Variants in GFM2 observed in about 807,000 individuals in gnomAD.
GFM2 encodes the protein ribosome-releasing factor 2, mitochondrial.
GFM2 carries 72 observed loss-of-function variants against 95.4 expected under a neutral mutation model. The observed-to-expected ratio is 0.76, with a 90% CI of 0.62 to 0.92. The LOEUF (loss-of-function observed/expected upper bound fraction) is 0.92. GFM2 is among the 40% of genes least tolerant of loss of function. GFM2 has a pLI of 0.00. For missense variants in GFM2, 825 were observed against 924.1 expected, an observed-to-expected ratio of 0.89 and a Z score of 1.39; for synonymous variants, 276 against 317.5, an observed-to-expected ratio of 0.87 and a Z score of 1.39.
chr5:74,747,595 G>C, intron 8 of GFM2, 97 bp downstream of exon 8: 1 of 699,550 alleles, frequency 1.4e-6, no homozygotes, highest in Non-Finnish European at 2.5e-6. Flanking sequence ...TAATACAATA[G>C]GAAAAAAAAT....
Position 74,725,753 on chromosome 5 carries a change from G to A in GFM2, c.1915C>T (p.Pro639Ser). The A allele has an allele frequency of 6.2e-7, 1 of 1,609,176 alleles. No individual in the cohort carries two copies. Among genetic ancestry groups the A allele is most frequent in the Non-Finnish European group, 8.5e-7 (1 of 1,175,726 alleles). The stretch of plus-strand genomic sequence containing the variant: ...TCCTGAATTGGGGATCCAAGCAATG[G>A]TCCTAGACAAGGGAAAAAAATTGTA... ...NGIHSACLQG[P>S]LLGSPIQDVA... is the part of the protein sequence containing the mutation. The change falls in exon 19 of 21, where the codon CCA (proline) becomes TCA (serine). Residue 639 changes from proline (P) to serine (S), a missense_variant and splice_region_variant. Physicochemically the swap from Pro to Ser is moderately conservative, Grantham distance 74. Transcript: ENST00000296805.
chr5:74,730,419 AT>A (rs1441499487), intron 16 of GFM2, 21 bp from the exon 17 acceptor site: 1 of 1,528,080 alleles, frequency 6.5e-7, no homozygotes, highest in South Asian at 1.2e-5. Flanking sequence ...GAGGAATGAA[AT>A]AAAAGATTAA....
intron 19 of GFM2, among the ~76,000 whole-genome samples, chr5:74,723,234 C>G (rs920777103): frequency 6.6e-6 from 1 of 152,160 alleles, no homozygotes; most frequent in Admixed American, 6.5e-5. Context: ...GCTTCAAAAA[C>G]GACTTCAACA....
In GFM2 at chr5:74,746,153, T is replaced by A; in HGVS notation, c.621A>T (p.Ala207=). The A allele has an allele frequency of 6.5e-7, 1 of 1,533,070 alleles. No homozygotes were observed. Among genetic ancestry groups the A allele is most frequent in the Non-Finnish European group, 8.7e-7 (1 of 1,145,000 alleles). 95.0% of individuals were successfully genotyped at this position (1,533,070 alleles called of 1,614,324 possible). ...TTAACTTCTCTCTGATGCTTTCAAC[T>A]GCATACTTAAAGCTGTAGAAAGCAA... ...MDKTGASFKY[A]VESIREKLKA... Residue 207 remains alanine (A), a synonymous_variant, in exon 9 of 21, where the codon GCA becomes GCT. Transcript: ENST00000296805.
chr5:74,762,059 G>C (rs894228821), intron 2 of GFM2, among the ~76,000 whole-genome samples: 1 of 152,032 alleles, frequency 6.6e-6, no homozygotes, highest in Non-Finnish European at 1.5e-5. Flanking sequence ...AGAAAAACTG[G>C]GTAACTCCTT....
intron 5 of GFM2, among the ~76,000 whole-genome samples, chr5:74,757,984 GA>G (rs889858996): frequency 6.6e-6 from 1 of 152,038 alleles, no homozygotes; most frequent in African/African-American, 2.4e-5. Flanking sequence ...TTTCAATTTT[GA>G]AAGATGAAAA....
intron 7 of GFM2, among the ~76,000 whole-genome samples, chr5:74,748,100 G>T (rs992586622): frequency 1.6e-4 from 24 of 152,168 alleles, no homozygotes; most frequent in Non-Finnish European, 8.8e-5. Context: ...AGAATCAGGA[G>T]ACCTACTTCT....
At chr5:74,754,138 T>C (rs975417135) in intron 5 of GFM2, among the ~76,000 whole-genome samples, 3 of 152,066 alleles carry the variant, frequency 2.0e-5, no homozygotes, top group South Asian at 4.1e-4. Flanking sequence ...AGGAAAGATA[T>C]AGTCTTTTTC....
Position 74,725,968 on chromosome 5 carries a change from T to C in GFM2, c.1885A>G (p.Asn629Asp), listed in dbSNP as rs116684547. 239 of 1,611,318 alleles carry C rather than the reference T, an allele frequency of 1.5e-4. No individual in the cohort carries two copies. The African/African-American group carries it at 2.8e-3, about 19-fold the overall frequency. ...LLKVSQEAIE[N>D]GIHSACLQGP... ...TGGAGACATGCGCTGTGAATTCCAT[T>C]TTCAATGGCCTCTTGGGAGACCTTC... The change falls in exon 18 of 21, where the codon AAT (asparagine) becomes GAT (aspartate). Residue 629 changes from asparagine (N) to aspartate (D), a missense_variant. Physicochemically the swap from Asn to Asp is conservative, Grantham distance 23. Transcript: ENST00000296805.
chr5:74,750,589 G>A lies in GFM2; in HGVS notation c.509C>T (p.Ala170Val). ...GGCAATATTATTTACCTCTACACCAGCAGAGGCATCAAATACAGCCACTGC... is the reference window on the plus strand; with the variant it reads ...GGCAATATTATTTACCTCTACACCAACAGAGGCATCAAATACAGCCACTGC... ...DGAVAVFDAS[A>V]GVEAQTLTVW... The change falls in exon 7 of 21, where the codon GCT (alanine) becomes GTT (valine). Residue 170 changes from alanine (A) to valine (V), a missense_variant. Ala to Val is a moderately conservative substitution (Grantham distance 64, BLOSUM62 0). Coordinates refer to ENST00000296805, the MANE Select transcript of GFM2 (RefSeq NM_032380.5). 1 of 1,610,922 alleles carries A rather than the reference G, an allele frequency of 6.2e-7. No individual in the cohort carries two copies. Among genetic ancestry groups the A allele is most frequent in the African/African-American group, 1.3e-5 (1 of 74,924 alleles).
chr5:74,733,531 A>C (rs1742680592), intron 15 of GFM2: 1 of 154,184 alleles, frequency 6.5e-6, no homozygotes, highest in Admixed American at 6.4e-5. Flanking sequence ...GAATGGCTAT[A>C]CAAGGAACAA....
intron 16 of GFM2, among the ~76,000 whole-genome samples, chr5:74,731,621 A>T (rs184287040): frequency 4.8e-5 from 7 of 144,944 alleles, no homozygotes; most frequent in Admixed American, 3.3e-4. Flanking sequence ...TCACAAATTT[A>T]AAAAAAAATC....
intron 7 of GFM2, among the ~76,000 whole-genome samples, chr5:74,749,015 T>C (rs566162737): frequency 1.3e-4 from 19 of 151,574 alleles, no homozygotes; most frequent in Non-Finnish European, 2.8e-4. Context: ...TTGCAGTCTT[T>C]TTAATTTTTT....
intron 15 of GFM2, 26 bp downstream of exon 15, chr5:74,736,770 A>G: frequency 1.2e-6 from 2 of 1,612,964 alleles, no homozygotes; most frequent in Non-Finnish European, 1.7e-6. Context: ...CGCACTAATT[A>G]GTTGACACAC....
intron 5 of GFM2, among the ~76,000 whole-genome samples, chr5:74,756,293 ACAC>A (rs1743977601): frequency 6.8e-6 from 1 of 147,924 alleles, no homozygotes; most frequent in South Asian, 2.2e-4. Context: ...ACATACATGC[ACAC>A]CACATTTTCT....
chr5:74,736,678 C>A, intron 15 of GFM2, 118 bp downstream of exon 15: 5 of 1,494,174 alleles, frequency 3.3e-6, no homozygotes, highest in East Asian at 2.4e-5. Context: ...AAATGTTTAC[C>A]AATATATTCA....
In GFM2 at chr5:74,736,401, T is replaced by C. The variant is rs994472321; in HGVS notation, c.1510+395A>G. On this transcript the variant is annotated intron_variant, in intron 15 of 20. Transcript: ENST00000296805. ...TATCCACAGTATATAAATATCTTCATTGAGTTCTAGAGGTTGAGGTAGAAA... is the reference window on the plus strand; with the variant it reads ...TATCCACAGTATATAAATATCTTCACTGAGTTCTAGAGGTTGAGGTAGAAA... 2.2e-5 allele frequency: 22 copies of C among 983,896 alleles called. No individual in the cohort carries two copies. The East Asian group carries it at 4.5e-4, about 20-fold the overall frequency. The allele number at this position is 983,896 out of a possible 1,614,324, so 60.9% of individuals were successfully genotyped here.
At chr5:74,735,767 A>G (rs1397942481) in intron 15 of GFM2, among the ~76,000 whole-genome samples, 1 of 152,178 alleles carries the variant, frequency 6.6e-6, no homozygotes, top group Non-Finnish European at 1.5e-5. Flanking sequence ...CTATAGTTTT[A>G]TTCTAATTTG....
At chr5:74,725,916 G>C (rs771360110) in intron 18 of GFM2, 25 bp downstream of exon 18, 2 of 1,590,160 alleles carry the variant, frequency 1.3e-6, no homozygotes, top group African/African-American at 2.7e-5. Context: ...GGATACTAAT[G>C]CTTACTCTCA....
Sources: gnomAD v4.1 joint callset for allele counts (sites outside exome capture counted in the v4.1 genomes callset) on GRCh38, gnomAD v4.1.1 for gene constraint, MANE v1.5 for transcripts, NCBI Gene and HGNC (gene_info 2026-07-23, HGNC 2026-07-21) for gene names.